The following LYPD6B variants were observed in gnomAD, a reference collection of about 807,000 sequenced individuals.
The protein encoded by LYPD6B is LY6/PLAUR domain containing 6B.
In LYPD6B, 17 loss-of-function variants were observed where a neutral mutation model predicts 22.8. The ratio of observed to expected loss-of-function variants is 0.75; its 90% CI spans 0.51 to 1.12. LYPD6B has a LOEUF of 1.12. Ranked by LOEUF, LYPD6B falls within the 50% of genes most tolerant of loss-of-function variation. LYPD6B has a pLI of 0.00. For synonymous variants in LYPD6B, 106 were observed against 91.6 expected (o/e 1.16, Z -0.90); for missense variants, 221 against 258.3 (o/e 0.86, Z 0.99).
At chr2:149,087,523 G>T (rs1273507536) in intron 1 of LYPD6B, among the ~76,000 whole-genome samples, 5 of 152,064 alleles carry the variant, frequency 3.3e-5, no homozygotes, top group Admixed American at 2.0e-4. Context: ...CTGTAATTAT[G>T]TCGCCGCACT....
At chr2:149,088,806 T>G (rs970663350) in intron 1 of LYPD6B, among the ~76,000 whole-genome samples, 3 of 152,192 alleles carry the variant, frequency 2.0e-5, no homozygotes, top group African/African-American at 7.2e-5. Context: ...TATTTAACTT[T>G]GTTAGGGCCA....
At chr2:149,082,983 A>G (rs1166092547) in intron 1 of LYPD6B, among the ~76,000 whole-genome samples, 1 of 152,196 alleles carries the variant, frequency 6.6e-6, no homozygotes, top group Non-Finnish European at 1.5e-5. Context: ...GCCTCTGGAC[A>G]GGAAACCTGA....
At chr2:149,094,720 T>C (rs2105456025) in intron 1 of LYPD6B, among the ~76,000 whole-genome samples, 1 of 152,334 alleles carries the variant, frequency 6.6e-6, no homozygotes, top group South Asian at 2.1e-4. Flanking sequence ...CCATTAGCAT[T>C]CCCAAATTTC....
intron 3 of LYPD6B, among the ~76,000 whole-genome samples, chr2:149,183,527 G>A (rs1691885051): frequency 6.6e-6 from 1 of 151,860 alleles, no homozygotes; most frequent in Admixed American, 6.6e-5. Context: ...GCTTATTTCT[G>A]GGAACATCTC....
chr2:149,208,461 T>C, intron 5 of LYPD6B, 49 bp downstream of exon 5: 1 of 1,385,732 alleles, frequency 7.2e-7, no homozygotes, highest in South Asian at 1.2e-5. Flanking sequence ...TTCATTTGAA[T>C]CTCTCCTGAC....
At chr2:149,070,614 T>C (rs1296260795) in intron 1 of LYPD6B, among the ~76,000 whole-genome samples, 1 of 152,186 alleles carries the variant, frequency 6.6e-6, no homozygotes, top group Non-Finnish European at 1.5e-5. Flanking sequence ...TGAATGACTC[T>C]TGTTGGCTTC....
chr2:149,092,197 G>C (rs4603730), intron 1 of LYPD6B, among the ~76,000 whole-genome samples: 1 of 151,502 alleles, frequency 6.6e-6, no homozygotes, highest in Non-Finnish European at 1.5e-5. Flanking sequence ...TGATGGGGGG[G>C]GAATTTTAGA....
chr2:149,079,868 C>G (rs1172776271), intron 1 of LYPD6B, among the ~76,000 whole-genome samples: 2 of 152,162 alleles, frequency 1.3e-5, no homozygotes, highest in Non-Finnish European at 1.5e-5. Flanking sequence ...TTTGTCATTT[C>G]TTTCATTCTC....
At chr2:149,187,451 G>T in intron 3 of LYPD6B, 1 of 1,530,532 alleles carries the variant, frequency 6.5e-7, no homozygotes, top group Non-Finnish European at 8.8e-7. Context: ...TACAGAAGAA[G>T]ATGAGAATCA....
chr2:149,080,593 G>A (rs1282976620), intron 1 of LYPD6B, among the ~76,000 whole-genome samples: 1 of 152,068 alleles, frequency 6.6e-6, no homozygotes, highest in East Asian at 1.9e-4. Flanking sequence ...TGTAATCCCA[G>A]CACTTTGGGA....
At chr2:149,208,058 C>T (rs1328848614) in intron 4 of LYPD6B, among the ~76,000 whole-genome samples, 4 of 152,094 alleles carry the variant, frequency 2.6e-5, no homozygotes, top group Non-Finnish European at 4.4e-5. Flanking sequence ...TACTATGCAT[C>T]TTTCAAAGTA....
At chr2:149,135,200 G>T (rs1688281814) in intron 2 of LYPD6B, among the ~76,000 whole-genome samples, 1 of 147,570 alleles carries the variant, frequency 6.8e-6, no homozygotes, top group African/African-American at 2.5e-5. Flanking sequence ...AGCCAAGATT[G>T]TTCCACTGCT....
intron 1 of LYPD6B, among the ~76,000 whole-genome samples, chr2:149,073,264 C>T (rs979928525): frequency 1.3e-5 from 2 of 152,148 alleles, no homozygotes; most frequent in Non-Finnish European, 1.5e-5. Flanking sequence ...GGTCTCTGAC[C>T]CATTGCTGAT....
rs191526698 is a variant in LYPD6B at position 149,212,488 on chromosome 2, G to C, written c.329-504G>C. ...AAAAGGTGATTGTGATGTATAATTC[G>C]AAGCACCTGCTTTTCACCCCAGCTC... On this transcript the variant is annotated intron_variant, in intron 5 of 6. Coordinates refer to ENST00000409642, the MANE Select transcript of LYPD6B (RefSeq NM_177964.5). Among the ~76,000 whole-genome samples the C allele has an allele frequency of 2.3e-3, 345 of 150,454 alleles. 2 individuals carry two copies. Among genetic ancestry groups the C allele is most frequent in the African/African-American group, 8.3e-3 (339 of 40,978 alleles).
chr2:149,111,847 A>G (rs1252418035), intron 1 of LYPD6B, among the ~76,000 whole-genome samples: 1 of 152,166 alleles, frequency 6.6e-6, no homozygotes, highest in African/African-American at 2.4e-5. Flanking sequence ...AAAGGAGACC[A>G]AGAAGAAATG....
intron 1 of LYPD6B, among the ~76,000 whole-genome samples, chr2:149,090,760 T>TC (rs1315765596): frequency 6.6e-6 from 1 of 152,168 alleles, no homozygotes; most frequent in Non-Finnish European, 1.5e-5. Context: ...AAACTTGATA[T>TC]AAGAGCAATA....
intron 1 of LYPD6B, among the ~76,000 whole-genome samples, chr2:149,066,818 T>C (rs1296521926): frequency 6.6e-6 from 1 of 152,084 alleles, no homozygotes; most frequent in Admixed American, 6.6e-5. Context: ...CCTTGGTTTC[T>C]TTTATTTTAG....
intron 2 of LYPD6B, among the ~76,000 whole-genome samples, chr2:149,144,202 G>A (rs1054906928): frequency 6.6e-5 from 10 of 152,120 alleles, no homozygotes; most frequent in African/African-American, 2.4e-4. Flanking sequence ...GCAGAGGATG[G>A]CAAACTATGG....
chr2:149,109,415 T>A (rs1314490558), intron 1 of LYPD6B, among the ~76,000 whole-genome samples: 3 of 152,212 alleles, frequency 2.0e-5, no homozygotes, highest in Non-Finnish European at 2.9e-5. Context: ...GTGCACAATT[T>A]GCCCTTTTCT....
Sources: allele counts gnomAD v4.1 joint callset (sites outside exome capture counted in the v4.1 genomes callset), GRCh38; gene constraint gnomAD v4.1.1; transcripts MANE v1.5; gene names NCBI Gene and HGNC (gene_info 2026-07-23, HGNC 2026-07-21).